URI1: variants seen among roughly 807,000 people sequenced by gnomAD.
URI1 encodes the protein URI1 prefoldin like chaperone.
A neutral mutation model predicts 60.2 loss-of-function variants in URI1; 39 were observed. That is an observed-to-expected ratio of 0.65 (90% CI 0.50 to 0.85). The LOEUF (loss-of-function observed/expected upper bound fraction) is 0.85. Ranked by LOEUF, URI1 falls within the 40% of genes least tolerant of loss-of-function variation. The pLI, the probability that URI1 is intolerant of heterozygous loss-of-function variation, is 0.00. For synonymous variants in URI1, 251 were observed against 236.8 expected, an observed-to-expected ratio of 1.06 and a Z score of -0.55; for missense variants, 691 against 665.9, an observed-to-expected ratio of 1.04 and a Z score of -0.42.
At chr19:29,996,363 A>C (rs1473893941) in intron 4 of URI1, among the ~76,000 whole-genome samples, 1 of 152,154 alleles carries the variant, frequency 6.6e-6, no homozygotes, top group Non-Finnish European at 1.5e-5. Context: ...AATTGCTTAC[A>C]AATTTCCTTT....
intron 10 of URI1, among the ~76,000 whole-genome samples, chr19:30,014,624 C>T (rs188820624): frequency 1.3e-5 from 2 of 151,954 alleles, no homozygotes; most frequent in African/African-American, 4.8e-5. Context: ...TTATCCATTT[C>T]TTTTTTTTCC....
At chr19:29,931,534 T>A (rs575517792) in intron 1 of URI1, among the ~76,000 whole-genome samples, 58 of 152,278 alleles carry the variant, frequency 3.8e-4, no homozygotes, top group Non-Finnish European at 7.3e-4. Context: ...GGCCCTATCT[T>A]CAGAAACAGT....
At chr19:29,925,308 C>CT (rs775422705) in intron 1 of URI1, among the ~76,000 whole-genome samples, 5 of 152,176 alleles carry the variant, frequency 3.3e-5, no homozygotes, top group African/African-American at 1.2e-4. Flanking sequence ...GGCAGGAACT[C>CT]TTTTTTCCCT....
At chr19:29,965,278 G>T (rs1470187902) in intron 1 of URI1, among the ~76,000 whole-genome samples, 1 of 152,026 alleles carries the variant, frequency 6.6e-6, no homozygotes, top group African/African-American at 2.4e-5. Flanking sequence ...CGGAGAAATG[G>T]GATTCTTTAC....
In URI1 at chr19:30,015,649, A is replaced by G. The variant is rs1193112706; in HGVS notation, c.*580A>G. On this transcript the variant is annotated 3_prime_UTR_variant, in exon 11 of 11. Transcript: ENST00000392271. Reference sequence around the variant, plus strand: ...GTACTCTATGGGAAAATTTCTTTGGAAAGATATTTTGTAAAACTTTTTTTT... The same window carrying G: ...GTACTCTATGGGAAAATTTCTTTGGGAAGATATTTTGTAAAACTTTTTTTT... 1.4e-6 allele frequency: 2 copies of G among 1,438,026 alleles called. No homozygotes were observed. Among genetic ancestry groups the G allele is most frequent in the South Asian group, 1.3e-5 (1 of 76,006 alleles). 89.1% of individuals were successfully genotyped at this position (1,438,026 alleles called of 1,614,324 possible).
chr19:29,962,249 T>C (rs1349738582), intron 1 of URI1, among the ~76,000 whole-genome samples: 1 of 151,784 alleles, frequency 6.6e-6, no homozygotes, highest in Non-Finnish European at 1.5e-5. Context: ...TACTTTTATG[T>C]TCTTTTTTCT....
intron 4 of URI1, among the ~76,000 whole-genome samples, chr19:29,998,322 T>A (rs2055837972): frequency 6.6e-6 from 1 of 152,156 alleles, no homozygotes; most frequent in South Asian, 2.1e-4. Context: ...GGGTGGAGGT[T>A]TCTATATATG....
At chr19:29,933,252 T>C (rs997663938) in intron 1 of URI1, among the ~76,000 whole-genome samples, 1 of 152,228 alleles carries the variant, frequency 6.6e-6, no homozygotes, top group South Asian at 2.1e-4. Context: ...GTTCCTGCGC[T>C]TTTTTGTTGG....
rs2056055571 is a variant in URI1, at chr19:30,014,018, A to G, written c.1426-869A>G. 5.9e-5 allele frequency among the ~76,000 whole-genome samples: 9 copies of G among 151,780 alleles called. 1 individual carries two copies. The highest frequency in any genetic ancestry group is 5.3e-4 in the Admixed American group (8 of 15,218). On this transcript the variant is annotated intron_variant, in intron 10 of 10. Coordinates refer to ENST00000392271, the MANE Select transcript of URI1 (RefSeq NM_003796.3). ...GAGAACAAAATGTACATTAAAGTTC[A>G]CCTGTCAAATTTTCATTTGTAGAGG...
Position 30,008,986 on chromosome 19 carries a change from T to C in URI1, c.687-19T>C, listed in dbSNP as rs1179564016. 6.5e-7 allele frequency: 1 copy of C among 1,549,530 alleles called. No homozygotes were observed. The highest frequency in any genetic ancestry group is 8.7e-7 in the Non-Finnish European group (1 of 1,142,902). On this transcript the variant is annotated intron_variant, in intron 7 of 10. Coordinates refer to ENST00000392271, the MANE Select transcript of URI1 (RefSeq NM_003796.3). ...TTCTAGTATGTTTGTTTGATCTTGT[T>C]AATTTTCTTCCTTGCTAGTAAGCCT... is the stretch of plus-strand genomic sequence containing the variant.
rs1413524038 is a variant in URI1, at chr19:29,942,673, C to T, written c.117+9C>T. The T allele has an allele frequency of 2.2e-6, 3 of 1,387,594 alleles. No homozygotes were observed. Among genetic ancestry groups the T allele is most frequent in the Admixed American group, 3.0e-5 (1 of 33,294 alleles). 86.0% of individuals were successfully genotyped at this position (1,387,594 alleles called of 1,614,324 possible). On this transcript the variant is annotated intron_variant, in intron 1 of 10. Transcript: ENST00000392271. Reference sequence around the variant, plus strand: ...GCGAGGAGCAGGAAAAGGTAACTAGCAGCCCCGCGCCGCTTCCGCCTCCGC... The same window carrying T: ...GCGAGGAGCAGGAAAAGGTAACTAGTAGCCCCGCGCCGCTTCCGCCTCCGC...
At chr19:29,952,828 C>T (rs1044182895) in intron 1 of URI1, among the ~76,000 whole-genome samples, 5 of 152,184 alleles carry the variant, frequency 3.3e-5, no homozygotes, top group African/African-American at 1.2e-4. Flanking sequence ...TTCGTCACCC[C>T]AAACAGAAAC....
At chr19:29,936,292 G>C (rs2054971782) in intron 1 of URI1, among the ~76,000 whole-genome samples, 1 of 151,662 alleles carries the variant, frequency 6.6e-6, no homozygotes, top group South Asian at 2.1e-4. Context: ...TTAGTAGAAT[G>C]GGGTTTCGCC....
chr19:29,969,158 A>G (rs2055427586), intron 1 of URI1, among the ~76,000 whole-genome samples: 2 of 152,192 alleles, frequency 1.3e-5, no homozygotes, highest in Non-Finnish European at 2.9e-5. Flanking sequence ...TCTACACACT[A>G]TATGTAACTA....
intron 4 of URI1, among the ~76,000 whole-genome samples, chr19:29,991,548 GCTC>G (rs2055746843): frequency 6.6e-6 from 1 of 152,034 alleles, no homozygotes; most frequent in Admixed American, 6.6e-5. Flanking sequence ...TTTGTAAATA[GCTC>G]CTATTTTTTT....
At chr19:30,001,473 A>G (rs11881899) in intron 4 of URI1, among the ~76,000 whole-genome samples, 121,897 of 151,696 alleles carry the variant, frequency 0.8, 50,402 homozygotes, top group Non-Finnish European at 0.9. Flanking sequence ...GACATTTTCT[A>G]TTCTCTTTCC....
At chr19:29,945,882 G>T (rs2055097013) in intron 1 of URI1, among the ~76,000 whole-genome samples, 1 of 151,450 alleles carries the variant, frequency 6.6e-6, no homozygotes, top group Non-Finnish European at 1.5e-5. Flanking sequence ...TCCAAAAAAA[G>T]CTATTGATAA....
intron 7 of URI1, 95 bp from the exon 8 acceptor site, chr19:30,008,910 G>T: frequency 1.1e-6 from 1 of 950,724 alleles, no homozygotes; most frequent in Non-Finnish European, 1.5e-6. Context: ...CTTTATTCAA[G>T]ATCTTAGTAT....
At chr19:29,968,320 A>T (rs1350400147) in intron 1 of URI1, among the ~76,000 whole-genome samples, 2 of 152,082 alleles carry the variant, frequency 1.3e-5, no homozygotes, top group East Asian at 1.9e-4. Flanking sequence ...TTGTGGTCTT[A>T]CTTTTGTGGA....
Sources: gnomAD v4.1 joint callset for allele counts (sites outside exome capture counted in the v4.1 genomes callset) on GRCh38, gnomAD v4.1.1 for gene constraint, MANE v1.5 for transcripts, NCBI Gene and HGNC (gene_info 2026-07-23, HGNC 2026-07-21) for gene names.